Variants in OGDHL observed in about 807,000 individuals in gnomAD.
OGDHL encodes 2-oxoglutarate dehydrogenase-like, mitochondrial.
In OGDHL, 79 loss-of-function variants were observed where a neutral mutation model predicts 109.6. The ratio of observed to expected loss-of-function variants is 0.72; its 90% confidence interval spans 0.60 to 0.87. The LOEUF is 0.87. Ranked by LOEUF, OGDHL falls within the 40% of genes least tolerant of loss-of-function variation. OGDHL has a pLI of 0.00. For synonymous variants in OGDHL, 528 were observed against 537.2 expected (o/e 0.98, Z 0.24); for missense variants, 1,275 against 1,362.2 (o/e 0.94, Z 1.01).
Position 49,736,065 on chromosome 10 carries a change from C to T in OGDHL, c.2867G>A (p.Ser956Asn), listed in dbSNP as rs746922508. 2 of 1,608,854 alleles carry T rather than the reference C, an allele frequency of 1.2e-6. No individual in the cohort carries two copies. The highest frequency in any genetic ancestry group is 1.1e-5 in the South Asian group (1 of 90,052). ...CCTCAGGATGGTCATGAAGCGTGGG[C>T]TGATGTAGTCATAGTAGCCCATGTT... ...HKNMGYYDYI[S>N]PRFMTILRRA... Residue 956 changes from serine to asparagine, a missense_variant, in exon 22 of 23, where the codon AGC (serine) becomes AAC (asparagine). By Grantham distance (46) the Ser-to-Asn change is conservative. Coordinates refer to ENST00000374103, the MANE Select transcript of OGDHL (RefSeq NM_018245.3).
chr10:49,738,346 A>C (rs1381473368), intron 17 of OGDHL, 84 bp from the exon 18 acceptor site: 6 of 1,467,700 alleles, frequency 4.1e-6, no homozygotes, highest in Non-Finnish European at 5.7e-6. Context: ...GCTCAGGGGA[A>C]AGTCTGGAGG....
intron 1 of OGDHL, among the ~76,000 whole-genome samples, chr10:49,761,636 C>G (rs557492688): frequency 1.4e-4 from 22 of 152,324 alleles, no homozygotes; most frequent in African/African-American, 5.3e-4. Context: ...AGGGTCTCTC[C>G]GGTTCGGCGA....
intron 20 of OGDHL, among the ~76,000 whole-genome samples, chr10:49,737,548 G>A (rs553456047): frequency 9.7e-4 from 147 of 152,284 alleles, no homozygotes; most frequent in Non-Finnish European, 1.6e-3. Context: ...GCCCTGCTAG[G>A]GTCTAAGGGG....
Position 49,745,806 on chromosome 10 carries a change from C to A in OGDHL, c.1468G>T (p.Val490Leu). 6.2e-7 allele frequency: 1 copy of A among 1,614,068 alleles called. No individual in the cohort carries two copies. ...TCAGTCCCCAGACCCACCAGGTCCA[C>A]GACAACATCTTTGTTGAAAGTGTTT... ...WRNTFNKDVVVDLVCYRRRGH... is the reference protein window; with the variant it reads ...WRNTFNKDVVLDLVCYRRRGH... Residue 490 changes from valine (V) to leucine (L), a missense_variant, in exon 11 of 23, where the codon GTG becomes TTG. Transcript: ENST00000374103.
chr10:49,736,479 C>A lies in OGDHL; in HGVS notation c.2632G>T (p.Ala878Ser). 1.2e-6 allele frequency: 2 copies of A among 1,613,810 alleles called. No individual in the cohort carries two copies. Among genetic ancestry groups the A allele is most frequent in the Non-Finnish European group, 1.7e-6 (2 of 1,180,018 alleles). Residue 878 changes from alanine (A) to serine (S), a missense_variant, in exon 21 of 23, where the codon GCA becomes TCA. Coordinates refer to ENST00000374103, the MANE Select transcript of OGDHL (RefSeq NM_018245.3). ...CGCTGCACCTGCTCAGGGGCCCGTG[C>A]TGCGGCCCCATCTTCAGGAATCACC... is the stretch of plus-strand genomic sequence containing the variant. ...QRVIPEDGAAARAPEQVQRLI... is the reference protein window; with the variant it reads ...QRVIPEDGAASRAPEQVQRLI...
chr10:49,751,982 C>A lies in OGDHL; in HGVS notation c.595-1G>T. The A allele has an allele frequency of 1.2e-6, 2 of 1,614,124 alleles. No individual in the cohort carries two copies. The highest frequency in any genetic ancestry group is 1.7e-6 in the Non-Finnish European group (2 of 1,180,008). ...GGCCAATGTGCTGGCAGTAGGTGTT[C>A]TGGGGAGACACATTGGGACCCCATG... On this transcript the variant is annotated splice_acceptor_variant, in intron 5 of 22. Coordinates refer to ENST00000374103, the MANE Select transcript of OGDHL (RefSeq NM_018245.3). LOFTEE classifies it high-confidence loss of function.
intron 14 of OGDHL, among the ~76,000 whole-genome samples, chr10:49,743,374 C>A (rs1017513250): frequency 9.5e-5 from 14 of 146,608 alleles, no homozygotes; most frequent in African/African-American, 3.2e-4. Context: ...ACGCTGTCAG[C>A]AGCTGCCCCA....
Position 49,756,765 on chromosome 10 carries a change from C to T in OGDHL, c.375+11G>A, listed in dbSNP as rs371593927. On this transcript the variant is annotated intron_variant, in intron 3 of 22. Coordinates refer to ENST00000374103, the MANE Select transcript of OGDHL (RefSeq NM_018245.3). ...TGCAGCCTCCCAGGCTGTGCCTCAG[C>T]TGCCCCTCACCTGGTAGGCCCGGAT... 5 of 1,608,946 alleles carry T rather than the reference C, an allele frequency of 3.1e-6. No individual in the cohort carries two copies. In the African/African-American group the frequency reaches 4.0e-5, roughly 13 times the overall value.
chr10:49,746,934 C>A lies in OGDHL; in HGVS notation c.1168-56G>T. On this transcript the variant is annotated intron_variant, in intron 9 of 22. Transcript: ENST00000374103. ...GCGTGCCCCAGCCCATGTAGCCCAGCCGGCACCTGTACTGTGGAGACCCAG... is the reference window on the plus strand; with the variant it reads ...GCGTGCCCCAGCCCATGTAGCCCAGACGGCACCTGTACTGTGGAGACCCAG... The A allele has an allele frequency of 2.5e-6, 4 of 1,612,284 alleles. No individual in the cohort carries two copies. The South Asian group carries it at 3.3e-5, about 13-fold the overall frequency.
intron 1 of OGDHL, among the ~76,000 whole-genome samples, chr10:49,760,245 C>G (rs1843187991): frequency 6.6e-6 from 1 of 152,218 alleles, no homozygotes; most frequent in Non-Finnish European, 1.5e-5. Flanking sequence ...AGTTTCCCTC[C>G]CCAATGCTCA....
chr10:49,747,602 GAA>G (rs1430249966), intron 8 of OGDHL, among the ~76,000 whole-genome samples: 1 of 152,146 alleles, frequency 6.6e-6, no homozygotes, highest in African/African-American at 2.4e-5. Flanking sequence ...TAGCAATGAG[GAA>G]CACACAACAT....
In OGDHL at chr10:49,752,161, G is replaced by A. The variant is rs1371950699; in HGVS notation, c.566C>T (p.Ser189Phe). The change falls in exon 5 of 23, where the codon TCT becomes TTT. Residue 189 changes from serine to phenylalanine, a missense_variant. Transcript: ENST00000374103. ...TFIGGSENTL[S>F]LREIIRRLEN... ...CAGGCGCCGAATGATCTCCCGCAGAGAGAGGGTGTTTTCAGAGCCCCCAAT... is the reference window on the plus strand; with the variant it reads ...CAGGCGCCGAATGATCTCCCGCAGAAAGAGGGTGTTTTCAGAGCCCCCAAT... The A allele has an allele frequency of 6.2e-7, 1 of 1,614,042 alleles. No homozygotes were observed. Among genetic ancestry groups the A allele is most frequent in the Admixed American group, 1.7e-5 (1 of 60,004 alleles).
At chr10:49,742,332 GAC>G (rs1841783761) in intron 15 of OGDHL, among the ~76,000 whole-genome samples, 1 of 13,172 alleles carries the variant, frequency 7.6e-5, no homozygotes, top group Non-Finnish European at 1.5e-4. Flanking sequence ...CACCACACAC[GAC>G]ACACACCACA....
In OGDHL at chr10:49,744,825, G is replaced by A. The variant is rs561885479; in HGVS notation, c.1630-73C>T. The stretch of plus-strand genomic sequence containing the variant: ...CCAGACGCCCAGTCCACTTGGACTC[G>A]TAAGTCCTGGTCCCCATCACCAAGT... On this transcript the variant is annotated intron_variant, in intron 12 of 22. Coordinates refer to ENST00000374103, the MANE Select transcript of OGDHL (RefSeq NM_018245.3). 3.5e-4 allele frequency: 418 copies of A among 1,193,558 alleles called. 10 individuals are homozygous for A. The South Asian group carries it at 4.9e-3, about 14-fold the overall frequency. The allele number at this position is 1,193,558 out of a possible 1,614,324, so 73.9% of individuals were successfully genotyped here.
At position 49,747,014 on chromosome 10, in the gene OGDHL, C is replaced by CCCAGGTGAGCTCACCTTCTTG. The variant is rs754402123; in HGVS notation, c.1161_1167+14dup. 1 of 1,613,146 alleles carries CCCAGGTGAGCTCACCTTCTTG rather than the reference C, an allele frequency of 6.2e-7. No individual in the cohort carries two copies. The highest frequency in any genetic ancestry group is 1.7e-5 in the Admixed American group (1 of 60,004). On this transcript the variant is annotated intron_variant, in intron 9 of 22. Coordinates refer to ENST00000374103, the MANE Select transcript of OGDHL (RefSeq NM_018245.3). ...GAAGGGCCCAGGTCCTCTGGGTTCC[C>CCCAGGTGAGCTCACCTTCTTG]CCAGGTGAGCTCACCTTCTTGCCCT...
intron 16 of OGDHL, among the ~76,000 whole-genome samples, chr10:49,740,449 T>C (rs1564527627): frequency 1.3e-5 from 2 of 152,066 alleles, no homozygotes; most frequent in African/African-American, 4.8e-5. Context: ...CTGCGCCCAC[T>C]GGGGCCCTGA....
intron 12 of OGDHL, 127 bp downstream of exon 12, chr10:49,745,217 A>C: frequency 8.0e-7 from 1 of 1,243,496 alleles, no homozygotes; most frequent in Non-Finnish European, 1.1e-6. Context: ...CCTCTTGGGG[A>C]CAAGGACCAT....
Position 49,745,419 on chromosome 10 carries a change from G to A in OGDHL, c.1554C>T (p.His518=), listed in dbSNP as rs1283697765. 1 of 1,614,062 alleles carries A rather than the reference G, an allele frequency of 6.2e-7. No homozygotes were observed. The highest frequency in any genetic ancestry group is 1.7e-5 in the Admixed American group (1 of 60,012). ...ACTTCTTCAGCACAGGCACCTGTCT[G>A]TGGATCTGCTTGTACATGAGCGGCT... The part of the protein sequence containing the change: ...FTQPLMYKQI[H]RQVPVLKKYA... Residue 518 remains histidine (H), a synonymous_variant, in exon 12 of 23, where the codon CAC becomes CAT. Coordinates refer to ENST00000374103, the MANE Select transcript of OGDHL (RefSeq NM_018245.3).
chr10:49,752,354 C>A, intron 4 of OGDHL, 106 bp from the exon 5 acceptor site: 1 of 867,882 alleles, frequency 1.2e-6, no homozygotes, highest in Non-Finnish European at 1.9e-6. Flanking sequence ...CTCCCCAGTG[C>A]CCTCCCTCTG....
Sources: gnomAD v4.1 joint callset for allele counts (sites outside exome capture counted in the v4.1 genomes callset) on GRCh38, gnomAD v4.1.1 for gene constraint, MANE v1.5 for transcripts, NCBI Gene and HGNC (gene_info 2026-07-23, HGNC 2026-07-21) for gene names.